The following MITF variants were observed in gnomAD, a reference collection of about 807,000 sequenced individuals.
MITF encodes microphthalmia-associated transcription factor.
MITF carries 17 observed loss-of-function variants against 60.5 expected under a neutral mutation model. The ratio of observed to expected loss-of-function variants is 0.28; its 90% CI spans 0.19 to 0.42. The LOEUF (loss-of-function observed/expected upper bound fraction) is 0.42, where lower values mean the gene tolerates loss of function less well. MITF is among the 10% of genes least tolerant of loss of function. MITF has a pLI of 1.00. For missense variants in MITF, 622 were observed against 683.5 expected, an observed-to-expected ratio of 0.91 and a Z score of 1.00; for synonymous variants, 260 against 248.5, an observed-to-expected ratio of 1.05 and a Z score of -0.43.
intron 5 of MITF, among the ~76,000 whole-genome samples, chr3:69,948,128 T>A (rs1331478023): frequency 6.6e-6 from 1 of 152,162 alleles, no homozygotes; most frequent in East Asian, 1.9e-4. Context: ...ATTGTTTGAA[T>A]CAATCTAGTA....
At chr3:69,791,940 G>A (rs571351637) in intron 1 of MITF, among the ~76,000 whole-genome samples, 2 of 152,336 alleles carry the variant, frequency 1.3e-5, no homozygotes, top group East Asian at 3.9e-4. Context: ...AAGACTGGTG[G>A]AGCAGAGGTA....
At chr3:69,892,153 C>T (rs1159087038) in intron 2 of MITF, among the ~76,000 whole-genome samples, 2 of 152,102 alleles carry the variant, frequency 1.3e-5, no homozygotes, top group African/African-American at 4.8e-5. Flanking sequence ...CTCTATGTTT[C>T]ATTTTTTTTC....
chr3:69,937,987 G>A lies in MITF; in HGVS notation c.520G>A (p.Gly174Arg), dbSNP rs764874569. The change falls in exon 3 of 10, where the codon GGG (glycine) becomes AGG (arginine). Residue 174 changes from glycine to arginine, a missense_variant. By Grantham distance (125) the Gly-to-Arg change is moderately radical. Coordinates refer to ENST00000352241, the MANE Select transcript of MITF (RefSeq NM_001354604.2). ...PGDHVMPPVP[G>R]SSAPNSPMAM... Reference sequence around the variant, plus strand: ...CGATCATGTCATGCCACCGGTGCCGGGGAGCAGCGCACCCAACAGCCCCAT... The same window carrying A: ...CGATCATGTCATGCCACCGGTGCCGAGGAGCAGCGCACCCAACAGCCCCAT... 130 of 1,614,030 alleles carry A rather than the reference G, an allele frequency of 8.1e-5. No individual in the cohort carries two copies. Among genetic ancestry groups the A allele is most frequent in the Non-Finnish European group, 1.1e-4 (126 of 1,180,018 alleles).
At chr3:69,815,444 T>A (rs2063166527) in intron 1 of MITF, among the ~76,000 whole-genome samples, 1 of 152,210 alleles carries the variant, frequency 6.6e-6, no homozygotes, top group South Asian at 2.1e-4. Flanking sequence ...ATGAAGATGA[T>A]GAGGATGAAG....
chr3:69,780,586 T>C (rs2062547416), intron 1 of MITF, among the ~76,000 whole-genome samples: 2 of 152,186 alleles, frequency 1.3e-5, no homozygotes, highest in African/African-American at 2.4e-5. Flanking sequence ...GAATTGCCAT[T>C]AGATGATGGC....
intron 1 of MITF, among the ~76,000 whole-genome samples, chr3:69,869,974 A>G (rs561694665): frequency 2.8e-4 from 42 of 152,108 alleles, no homozygotes; most frequent in Non-Finnish European, 5.4e-4. Context: ...AGTCTTACGT[A>G]GAACTCCAGA....
At chr3:69,929,232 A>G (rs1418112309) in intron 2 of MITF, among the ~76,000 whole-genome samples, 1 of 152,160 alleles carries the variant, frequency 6.6e-6, no homozygotes, top group East Asian at 1.9e-4. Context: ...GACGTACCAA[A>G]TACTTGCTGA....
intron 7 of MITF, among the ~76,000 whole-genome samples, chr3:69,954,736 A>T (rs1267936283): frequency 6.6e-6 from 1 of 152,172 alleles, no homozygotes; most frequent in Non-Finnish European, 1.5e-5. Flanking sequence ...AAAACCATTG[A>T]CCATCATTTA....
At chr3:69,774,513 G>A (rs2062443338) in intron 1 of MITF, among the ~76,000 whole-genome samples, 1 of 152,152 alleles carries the variant, frequency 6.6e-6, no homozygotes, top group Admixed American at 6.5e-5. Context: ...CAGGCCTCCA[G>A]TATGAACTCT....
intron 5 of MITF, among the ~76,000 whole-genome samples, chr3:69,945,966 A>G (rs1352291849): frequency 1.3e-5 from 2 of 152,218 alleles, no homozygotes; most frequent in Admixed American, 6.5e-5. Flanking sequence ...ATCGTTGACA[A>G]TGTACTTAGT....
chr3:69,909,037 G>A (rs2065163280), intron 2 of MITF, among the ~76,000 whole-genome samples: 1 of 152,174 alleles, frequency 6.6e-6, no homozygotes, highest in South Asian at 2.1e-4. Context: ...TAAAGACATG[G>A]TGATACGGCT....
chr3:69,958,706 A>T (rs1280576823), intron 8 of MITF, among the ~76,000 whole-genome samples: 1 of 152,174 alleles, frequency 6.6e-6, no homozygotes, highest in Non-Finnish European at 1.5e-5. Flanking sequence ...ATAACTCTTT[A>T]ACATAGTGTT....
chr3:69,944,440 A>G (rs2066046512), intron 5 of MITF, among the ~76,000 whole-genome samples: 1 of 152,140 alleles, frequency 6.6e-6, no homozygotes, highest in Non-Finnish European at 1.5e-5. Flanking sequence ...ATTAACTCCC[A>G]GACAGGAGAG....
At chr3:69,925,014 G>A (rs2065554500) in intron 2 of MITF, among the ~76,000 whole-genome samples, 1 of 151,898 alleles carries the variant, frequency 6.6e-6, no homozygotes, top group African/African-American at 2.4e-5. Context: ...CTTCTTGGTG[G>A]CTTTATATTT....
intron 2 of MITF, chr3:69,936,831 G>A (rs2065847339): frequency 2.2e-6 from 3 of 1,339,032 alleles, no homozygotes; most frequent in Non-Finnish European, 3.2e-6. Flanking sequence ...TTTTGTTATT[G>A]TAATAGACAT....
intron 6 of MITF, among the ~76,000 whole-genome samples, chr3:69,949,427 A>G (rs190366781): frequency 2.6e-5 from 4 of 152,018 alleles, no homozygotes; most frequent in Non-Finnish European, 4.4e-5. Context: ...GTCACCAATC[A>G]CTGTGTGTGT....
intron 9 of MITF, among the ~76,000 whole-genome samples, chr3:69,964,046 G>A (rs1025452560): frequency 1.5e-5 from 2 of 132,918 alleles, no homozygotes; most frequent in Admixed American, 9.1e-5. Context: ...GCGCAATCTC[G>A]GCTCACTGCA....
intron 1 of MITF, among the ~76,000 whole-genome samples, chr3:69,741,654 C>T (rs943004755): frequency 6.6e-6 from 1 of 152,140 alleles, no homozygotes; most frequent in Non-Finnish European, 1.5e-5. Flanking sequence ...GGGCCTGAAC[C>T]AGCAGGGAAA....
At chr3:69,781,934 T>C (rs1267663143) in intron 1 of MITF, among the ~76,000 whole-genome samples, 1 of 152,230 alleles carries the variant, frequency 6.6e-6, no homozygotes, top group East Asian at 1.9e-4. Context: ...CCAGAATAGA[T>C]TGCCTGTCTC....
Sources: allele counts gnomAD v4.1 joint callset (sites outside exome capture counted in the v4.1 genomes callset), GRCh38; gene constraint gnomAD v4.1.1; transcripts MANE v1.5; gene names NCBI Gene and HGNC (gene_info 2026-07-23, HGNC 2026-07-21).